Variants in RASGRF2 observed in about 807,000 individuals in gnomAD.
The protein encoded by RASGRF2 is ras-specific guanine nucleotide-releasing factor 2.
RASGRF2 carries 76 observed loss-of-function variants against 151.0 expected under a neutral mutation model. That is an observed-to-expected ratio of 0.50 (90% CI 0.42 to 0.61). RASGRF2 has a LOEUF of 0.61. RASGRF2 is among the 20% of genes least tolerant of loss of function. The pLI is 0.00. For synonymous variants in RASGRF2, 504 were observed against 566.5 expected (o/e 0.89, Z 1.57); for missense variants, 1,148 against 1,564.6 (o/e 0.73, Z 4.49).
chr5:81,126,371 A>G (rs1283544897), intron 16 of RASGRF2, among the ~76,000 whole-genome samples: 1 of 152,242 alleles, frequency 6.6e-6, no homozygotes, highest in South Asian at 2.1e-4. Context: ...GAATATTTTT[A>G]TATTAAGATA....
intron 1 of RASGRF2, among the ~76,000 whole-genome samples, chr5:80,995,399 T>TATATATATATATATATATATAC (rs1165966102): frequency 1.8e-4 from 22 of 119,782 alleles, no homozygotes; most frequent in African/African-American, 6.2e-4. Flanking sequence ...TATATATATA[T>TATATATATATATATATATATAC]ACACACACAC....
rs186944660 is a variant in RASGRF2 at position 81,018,943 on chromosome 5, C to T, written c.289-23934C>T. On this transcript the variant is annotated intron_variant, in intron 1 of 26. Transcript: ENST00000265080. ...TCAGCCTCCTGAGGAGCTGGGACTA[C>T]AGGCGCCCACCACGCCCAGCTAATT... Among the ~76,000 whole-genome samples the T allele has an allele frequency of 3.2e-3, 487 of 151,696 alleles. 1 individual carries two copies. The highest frequency in any genetic ancestry group is 5.4e-3 in the Non-Finnish European group (369 of 67,910).
intron 1 of RASGRF2, among the ~76,000 whole-genome samples, chr5:81,028,042 G>A (rs973468797): frequency 1.3e-5 from 2 of 152,096 alleles, no homozygotes; most frequent in African/African-American, 4.8e-5. Flanking sequence ...TGGGGGTGGG[G>A]AGTTGGAATT....
At chr5:81,102,659 C>A (rs1752728505) in intron 12 of RASGRF2, among the ~76,000 whole-genome samples, 1 of 148,758 alleles carries the variant, frequency 6.7e-6, no homozygotes, top group African/African-American at 2.5e-5. Context: ...CATGCCACTG[C>A]ATTCCAGCCT....
intron 1 of RASGRF2, among the ~76,000 whole-genome samples, chr5:81,040,811 A>G (rs1370052324): frequency 6.6e-6 from 1 of 152,158 alleles, no homozygotes. Flanking sequence ...CTGCTTTGCC[A>G]TACTTTGGTT....
In RASGRF2 at chr5:81,043,562, G is replaced by C. The variant is rs571107313; in HGVS notation, c.395+579G>C. Among the ~76,000 whole-genome samples, 6 of 152,318 alleles carry C rather than the reference G, an allele frequency of 3.9e-5. No individual in the cohort carries two copies. The East Asian group carries it at 1.2e-3, about 29-fold the overall frequency. On this transcript the variant is annotated intron_variant, in intron 2 of 26. Transcript: ENST00000265080. ...TCAGGAAGGTGGAAATGTGTGTACA[G>C]GGTCTTAAACGGGAACTAGAAATCT...
chr5:80,982,185 T>G (rs2112240765), intron 1 of RASGRF2, among the ~76,000 whole-genome samples: 1 of 152,328 alleles, frequency 6.6e-6, no homozygotes, highest in African/African-American at 2.4e-5. Context: ...TAAGCAGGTT[T>G]TGAGCACTTG....
intron 1 of RASGRF2, among the ~76,000 whole-genome samples, chr5:80,981,949 T>C (rs1472060941): frequency 2.6e-5 from 4 of 152,206 alleles, no homozygotes; most frequent in African/African-American, 9.7e-5. Flanking sequence ...AAGAAAAATT[T>C]TGTAAAGGAT....
At chr5:81,220,218 G>A (rs1755829642) in intron 26 of RASGRF2, among the ~76,000 whole-genome samples, 1 of 152,094 alleles carries the variant, frequency 6.6e-6, no homozygotes, top group South Asian at 2.1e-4. Flanking sequence ...TCTTTGACAT[G>A]ACTGTGAAGT....
chr5:81,084,818 C>T (rs1000664210), intron 7 of RASGRF2, among the ~76,000 whole-genome samples: 6 of 152,124 alleles, frequency 3.9e-5, no homozygotes, highest in Non-Finnish European at 5.9e-5. Flanking sequence ...CCTCAGTCCC[C>T]GCAGACGAGA....
intron 12 of RASGRF2, chr5:81,096,395 T>C (rs1163558031): frequency 1.3e-5 from 2 of 152,234 alleles, no homozygotes; most frequent in African/African-American, 4.8e-5. Flanking sequence ...GGAATCACCA[T>C]GTGCTGTCAG....
intron 17 of RASGRF2, among the ~76,000 whole-genome samples, chr5:81,138,983 G>C (rs1753821006): frequency 6.6e-6 from 1 of 152,108 alleles, no homozygotes; most frequent in Non-Finnish European, 1.5e-5. Flanking sequence ...GGTCAAATTG[G>C]GGAGAAATGC....
intron 17 of RASGRF2, among the ~76,000 whole-genome samples, chr5:81,154,418 C>T (rs1754209801): frequency 6.6e-6 from 1 of 152,060 alleles, no homozygotes; most frequent in African/African-American, 2.4e-5. Context: ...TTTGTAGAGA[C>T]AGGGTCTCAC....
intron 2 of RASGRF2, among the ~76,000 whole-genome samples, chr5:81,052,730 G>T (rs1418957067): frequency 2.0e-5 from 3 of 152,172 alleles, no homozygotes; most frequent in Non-Finnish European, 4.4e-5. Context: ...TGTGAGTAAA[G>T]ATAGAGAAAC....
intron 17 of RASGRF2, among the ~76,000 whole-genome samples, chr5:81,129,672 C>G (rs1753564026): frequency 6.6e-6 from 1 of 152,112 alleles, no homozygotes; most frequent in South Asian, 2.1e-4. Flanking sequence ...TGATTGATTA[C>G]CTTCTGTAAC....
In RASGRF2 at chr5:81,094,292, C is replaced by T. The variant is rs867496007; in HGVS notation, c.1552-4C>T. ...GTCTTAGTGAAAAATTGGTTTGTTTCCAGACAGGTGGGGTTCTGTCTCTAA... is the reference window on the plus strand; with the variant it reads ...GTCTTAGTGAAAAATTGGTTTGTTTTCAGACAGGTGGGGTTCTGTCTCTAA... On this transcript the variant is annotated splice_region_variant and splice_polypyrimidine_tract_variant and intron_variant, in intron 10 of 26. Coordinates refer to ENST00000265080, the MANE Select transcript of RASGRF2 (RefSeq NM_006909.3). The T allele has an allele frequency of 3.1e-6, 5 of 1,612,712 alleles. No individual in the cohort carries two copies. In the South Asian group the frequency reaches 5.5e-5, roughly 18 times the overall value.
chr5:81,080,781 A>C lies in RASGRF2; in HGVS notation c.1153A>C (p.Met385Leu). 6.2e-7 allele frequency: 1 copy of C among 1,612,990 alleles called. No homozygotes were observed. The highest frequency in any genetic ancestry group is 8.5e-7 in the Non-Finnish European group (1 of 1,179,382). Residue 385 changes from methionine (M) to leucine (L), a missense_variant, in exon 7 of 27, where the codon ATG becomes CTG. Physicochemically the swap from Met to Leu is conservative, Grantham distance 15 (BLOSUM62 2). Transcript: ENST00000265080. ...RMLETFLTYP[M>L]FQIPRYIITL... ...GCTGGAGACATTCTTGACCTATCCC[A>C]TGTTTCAGGTAAGTCACTTGGGATG...
At chr5:80,982,580 C>CTATTATTATCATTATTAT (rs1748337100) in intron 1 of RASGRF2, among the ~76,000 whole-genome samples, 1 of 135,170 alleles carries the variant, frequency 7.4e-6, no homozygotes, top group Non-Finnish European at 1.6e-5. Context: ...AAATTTGGTT[C>CTATTATTATCATTATTAT]TATTATTATT....
intron 17 of RASGRF2, among the ~76,000 whole-genome samples, chr5:81,148,561 A>G (rs1472924252): frequency 6.6e-6 from 1 of 152,050 alleles, no homozygotes; most frequent in Non-Finnish European, 1.5e-5. Flanking sequence ...CTAAACATGT[A>G]ACAAAACCAT....
Sources: allele counts gnomAD v4.1 joint callset (sites outside exome capture counted in the v4.1 genomes callset), GRCh38; gene constraint gnomAD v4.1.1; transcripts MANE v1.5; gene names NCBI Gene and HGNC (gene_info 2026-07-23, HGNC 2026-07-21).